Variants in GDA observed in about 807,000 individuals in gnomAD.
GDA encodes the protein cytoplasmic PSD-95 interactor.
GDA carries 18 observed loss-of-function variants against 59.6 expected under a neutral mutation model. That is an observed-to-expected ratio of 0.30 (90% CI 0.21 to 0.45). The LOEUF (loss-of-function observed/expected upper bound fraction) is 0.45. Among genes scored for constraint, GDA ranks in the 20% least tolerant of loss-of-function variants. The probability of loss-of-function intolerance (pLI) is 1.00; values close to 1 mark genes in which losing one functional copy is unlikely to be tolerated. For synonymous variants in GDA, 201 were observed against 201.1 expected (o/e 1.00, Z 0.00); for missense variants, 427 against 552.3 (o/e 0.77, Z 2.27).
At chr9:72,202,880 ACAGTCCAGTGAG>A in intron 3 of GDA, 138 bp downstream of exon 3, 3 of 523,008 alleles carry the variant, frequency 5.7e-6, no homozygotes, top group Admixed American at 3.3e-5. Context: ...TTTCTTTTTC[ACAGTCCAGTGAG>A]TTTGTGACCA....
intron 12 of GDA, 36 bp from the exon 13 acceptor site, chr9:72,247,370 A>G (rs1392430473): frequency 1.5e-6 from 2 of 1,318,094 alleles, no homozygotes; most frequent in South Asian, 2.3e-5. Flanking sequence ...AAATGCACAA[A>G]TGAGTCTTTC....
chr9:72,122,656 C>CAT (rs1825703412), intron 1 of GDA, among the ~76,000 whole-genome samples: 1 of 151,864 alleles, frequency 6.6e-6, no homozygotes, highest in Non-Finnish European at 1.5e-5. Flanking sequence ...CACACACACA[C>CAT]ACACACACAG....
intron 1 of GDA, among the ~76,000 whole-genome samples, chr9:72,117,333 AT>A (rs77464242): frequency 3.3e-5 from 5 of 152,068 alleles, no homozygotes; most frequent in Non-Finnish European, 5.9e-5. Context: ...TCAACCTTTG[AT>A]TTTTTTCCTG....
chr9:72,259,857 A>C (rs7047289), downstream of GDA, among the ~76,000 whole-genome samples: 28 of 152,346 alleles, frequency 1.8e-4, no homozygotes, highest in African/African-American at 6.7e-4. Flanking sequence ...GACTTAATAA[A>C]TATTTGAACA....
intron 1 of GDA, among the ~76,000 whole-genome samples, chr9:72,157,215 A>G (rs1385789213): frequency 2.0e-5 from 3 of 151,442 alleles, no homozygotes; most frequent in African/African-American, 4.9e-5. Context: ...AATTTTTTGT[A>G]TTTTTAGTAG....
intron 3 of GDA, among the ~76,000 whole-genome samples, chr9:72,203,943 A>G (rs536808130): frequency 1.3e-5 from 2 of 152,046 alleles, no homozygotes; most frequent in South Asian, 4.2e-4. Flanking sequence ...CAGCCTCCCA[A>G]GTAGCTGAGA....
chr9:72,252,466 A>G (rs1043285722), downstream of GDA, among the ~76,000 whole-genome samples: 8 of 152,186 alleles, frequency 5.3e-5, no homozygotes, highest in African/African-American at 1.9e-4. Flanking sequence ...TGATTTCAGC[A>G]TAGTGTATAT....
chr9:72,163,321 G>C, intron 1 of GDA, among the ~76,000 whole-genome samples: 1 of 152,156 alleles, frequency 6.6e-6, no homozygotes, highest in Middle Eastern at 3.4e-3. Flanking sequence ...TTGCAATTTG[G>C]GGGGCATGCA....
At chr9:72,169,477 T>C (rs1392213280) in intron 1 of GDA, among the ~76,000 whole-genome samples, 1 of 152,218 alleles carries the variant, frequency 6.6e-6, no homozygotes, top group African/African-American at 2.4e-5. Context: ...TGGATTTTAT[T>C]TTTTAAATCT....
intron 1 of GDA, among the ~76,000 whole-genome samples, chr9:72,180,770 A>G (rs7868258): frequency 2.8e-4 from 42 of 150,634 alleles, no homozygotes; most frequent in African/African-American, 9.9e-4. Flanking sequence ...TGAATTTAGG[A>G]AAAAAAAATA....
intron 1 of GDA, among the ~76,000 whole-genome samples, chr9:72,180,917 G>A (rs1831124746): frequency 6.6e-6 from 1 of 152,210 alleles, no homozygotes; most frequent in African/African-American, 2.4e-5. Context: ...TGGTGTTGAG[G>A]TGCTACAAAT....
downstream of GDA, chr9:72,253,398 G>C (rs536901489): frequency 3.5e-4 from 53 of 152,270 alleles, no homozygotes; most frequent in African/African-American, 1.3e-3. Flanking sequence ...ACCCAGAGTG[G>C]AGCATGCTTT....
chr9:72,237,686 C>G (rs974724913), intron 10 of GDA, among the ~76,000 whole-genome samples: 1 of 152,182 alleles, frequency 6.6e-6, no homozygotes, highest in African/African-American at 2.4e-5. Flanking sequence ...GAAGGAACCC[C>G]CGAACTTCAT....
Position 72,213,874 on chromosome 9 carries a change from T to A in GDA, c.473-12T>A. 6.9e-7 allele frequency: 1 copy of A among 1,441,764 alleles called. No homozygotes were observed. The highest frequency in any genetic ancestry group is 9.8e-7 in the Non-Finnish European group (1 of 1,023,110). The allele number at this position is 1,441,764 out of a possible 1,614,324, so 89.3% of individuals were successfully genotyped here. A position where few individuals can be genotyped will look rare whatever the true frequency, so the allele number is the denominator to read the frequency against. ...AACATGCCTTCATATTCTTTTTGTG[T>A]ATACTTTACAGATAAATTTGGACAG... is the stretch of plus-strand genomic sequence containing the variant. On this transcript the variant is annotated splice_polypyrimidine_tract_variant and intron_variant, in intron 4 of 13. Transcript: ENST00000358399.
chr9:72,122,745 A>G (rs1157210255), intron 1 of GDA, among the ~76,000 whole-genome samples: 1 of 151,894 alleles, frequency 6.6e-6, no homozygotes, highest in East Asian at 1.9e-4. Flanking sequence ...TTTCTTTTTC[A>G]CTGATGACAA....
intron 9 of GDA, 146 bp from the exon 10 acceptor site, chr9:72,230,968 T>A: frequency 3.1e-6 from 2 of 651,768 alleles, no homozygotes; most frequent in Non-Finnish European, 5.6e-6. Flanking sequence ...TTGGATGGTC[T>A]GATTTGACTA....
upstream of GDA, among the ~76,000 whole-genome samples, chr9:72,145,926 A>G (rs549080498): frequency 6.6e-6 from 1 of 152,184 alleles, no homozygotes; most frequent in Non-Finnish European, 1.5e-5. Context: ...TTCAATATTC[A>G]TATAAATCTA....
At chr9:72,132,328 C>T (rs540347203) in intron 1 of GDA, among the ~76,000 whole-genome samples, 1 of 152,208 alleles carries the variant, frequency 6.6e-6, no homozygotes, top group Admixed American at 6.5e-5. Flanking sequence ...AAAGAATTTA[C>T]CAATATGAGA....
intron 6 of GDA, among the ~76,000 whole-genome samples, chr9:72,222,632 T>G (rs2131576659): frequency 6.6e-6 from 1 of 152,252 alleles, no homozygotes; most frequent in Admixed American, 6.5e-5. Flanking sequence ...TCATGAAATC[T>G]TTTCCCATGC....
Sources: gnomAD v4.1 joint callset for allele counts (sites outside exome capture counted in the v4.1 genomes callset) on GRCh38, gnomAD v4.1.1 for gene constraint, MANE v1.5 for transcripts, NCBI Gene and HGNC (gene_info 2026-07-23, HGNC 2026-07-21) for gene names.